Variants in GTF3C1 observed in about 807,000 individuals in gnomAD.
The protein encoded by GTF3C1 is general transcription factor IIIC subunit 1.
A neutral mutation model predicts 226.7 loss-of-function variants in GTF3C1; 57 were observed. The observed-to-expected ratio is 0.25, with a 90% CI of 0.20 to 0.31. The LOEUF (loss-of-function observed/expected upper bound fraction) is 0.31. GTF3C1 is among the 10% of genes least tolerant of loss of function. GTF3C1 has a pLI of 1.00. For missense variants in GTF3C1, 2,217 were observed against 2,776.1 expected (o/e 0.80, Z 4.53); for synonymous variants, 1,090 against 1,084.8 (o/e 1.00, Z -0.09).
In GTF3C1 at chr16:27,488,373, G is replaced by C; in HGVS notation, c.3554C>G (p.Ser1185Cys). 1.2e-6 allele frequency: 2 copies of C among 1,613,744 alleles called. No individual in the cohort carries two copies. Among genetic ancestry groups the C allele is most frequent in the Non-Finnish European group, 1.7e-6 (2 of 1,179,666 alleles). The change falls in exon 23 of 37, where the codon TCC (serine) becomes TGC (cysteine). Residue 1185 changes from serine to cysteine, a missense_variant. Ser to Cys is a moderately radical substitution (Grantham distance 112, BLOSUM62 -1). Transcript: ENST00000356183. ...LNIWGEARVG[S>C]ELCAGWEEQF... ...CTCTTCCCAGCCAGCACAGAGCTCG[G>C]AGCCTACTCTTGCTTCCCCCCAAAT...
intron 6 of GTF3C1, among the ~76,000 whole-genome samples, chr16:27,516,783 C>G (rs1201438473): frequency 6.6e-6 from 1 of 152,200 alleles, no homozygotes; most frequent in Non-Finnish European, 1.5e-5. Flanking sequence ...CAGACATACA[C>G]CACCATGCTC....
chr16:27,478,554 T>C (rs757403676), intron 27 of GTF3C1, 23 bp from the exon 28 acceptor site: 3 of 1,575,886 alleles, frequency 1.9e-6, no homozygotes, highest in Admixed American at 3.3e-5. Context: ...CATAACAGCA[T>C]GTCAGTGAAA....
At chr16:27,476,619 A>G (rs1279299155) in intron 28 of GTF3C1, 75 bp from the exon 29 acceptor site, 10 of 819,436 alleles carry the variant, frequency 1.2e-5, no homozygotes, top group South Asian at 5.8e-5. Flanking sequence ...ATTCTTAGGG[A>G]AAAAAACTTG....
At chr16:27,503,923 G>A (rs1435846343) in intron 10 of GTF3C1, among the ~76,000 whole-genome samples, 6 of 152,172 alleles carry the variant, frequency 3.9e-5, no homozygotes, top group Non-Finnish European at 2.9e-5. Context: ...CCAGGCCCCA[G>A]CCCACTTCCC....
rs1480242611 is a variant in GTF3C1, at chr16:27,463,756, G to A, written c.5873-164C>T. On this transcript the variant is annotated intron_variant, in intron 34 of 36. Coordinates refer to ENST00000356183, the MANE Select transcript of GTF3C1 (RefSeq NM_001520.4). The surrounding 1 kb of genome is among the most constrained non-coding windows in gnomAD (Gnocchi z 4.9). ...GAGCATCTCACAGAGCGGCCACCCT[G>A]GAGGTGGCAGGGCCGGGCAGACTGC... 4.5e-6 allele frequency: 3 copies of A among 662,148 alleles called. No individual in the cohort carries two copies. Among genetic ancestry groups the A allele is most frequent in the African/African-American group, 3.7e-5 (2 of 54,504 alleles). 41.0% of individuals were successfully genotyped at this position (662,148 alleles called of 1,614,324 possible).
chr16:27,492,977 C>T lies in GTF3C1; in HGVS notation c.2876+222G>A, dbSNP rs1437723661. On this transcript the variant is annotated intron_variant, in intron 17 of 36. Coordinates refer to ENST00000356183, the MANE Select transcript of GTF3C1 (RefSeq NM_001520.4). The surrounding 1 kb of genome is among the most constrained non-coding windows in gnomAD (Gnocchi z 5.0). Reference sequence around the variant, plus strand: ...AAGGGAAAAAAAATTCCGATACTTGCAGACACTAGCAGCAGATTTTACTTT... The same window carrying T: ...AAGGGAAAAAAAATTCCGATACTTGTAGACACTAGCAGCAGATTTTACTTT... Among the ~76,000 whole-genome samples the T allele has an allele frequency of 6.6e-6, 1 of 152,176 alleles. No homozygotes were observed.
intron 6 of GTF3C1, among the ~76,000 whole-genome samples, chr16:27,527,292 C>G (rs2088847261): frequency 6.6e-6 from 1 of 152,228 alleles, no homozygotes; most frequent in South Asian, 2.1e-4. Flanking sequence ...AGCGATTCTC[C>G]TGCCTCAGCC....
At chr16:27,519,514 A>G (rs2088712992) in intron 6 of GTF3C1, among the ~76,000 whole-genome samples, 1 of 151,926 alleles carries the variant, frequency 6.6e-6, no homozygotes, top group Non-Finnish European at 1.5e-5. Context: ...GGCCCCAAGC[A>G]CTCACCTACC....
chr16:27,549,799 C>G lies in GTF3C1; in HGVS notation c.92G>C (p.Arg31Pro). 1 of 1,612,978 alleles carries G rather than the reference C, an allele frequency of 6.2e-7. No homozygotes were observed. The highest frequency in any genetic ancestry group is 2.2e-5 in the East Asian group (1 of 44,874). Residue 31 changes from arginine (R) to proline (P), a missense_variant, in exon 1 of 37, where the codon CGA (arginine) becomes CCA (proline). Arg to Pro is a moderately radical substitution (Grantham distance 103). Transcript: ENST00000356183. ...CAAAGGCAGCGGGAAGGGCGGCACTCGCGTCTCCAGCCGGCTCCACAGCGC... is the reference window on the plus strand; with the variant it reads ...CAAAGGCAGCGGGAAGGGCGGCACTGGCGTCTCCAGCCGGCTCCACAGCGC... The part of the protein sequence containing the change: ...LPALWSRLET[R>P]VPPFPLPLEP...
chr16:27,471,728 G>A lies in GTF3C1; in HGVS notation c.4526+20C>T. 2 of 1,597,830 alleles carry A rather than the reference G, an allele frequency of 1.3e-6. No individual in the cohort carries two copies. The highest frequency in any genetic ancestry group is 1.7e-6 in the Non-Finnish European group (2 of 1,165,444). ...CGTGGCTCCACCTCGGAGTACCCAA[G>A]GCTCCTGACAGGTACTCACCTGTAG... On this transcript the variant is annotated intron_variant, in intron 30 of 36. Coordinates refer to ENST00000356183, the MANE Select transcript of GTF3C1 (RefSeq NM_001520.4). The surrounding 1 kb of genome is among the most constrained non-coding windows in gnomAD (Gnocchi z 5.0).
At chr16:27,508,507 C>A in intron 8 of GTF3C1, 33 bp downstream of exon 8, 1 of 1,476,894 alleles carries the variant, frequency 6.8e-7, no homozygotes, top group Non-Finnish European at 9.5e-7. Context: ...CCTCCAAAGA[C>A]AACGAGTGTT....
chr16:27,476,366 G>C (rs898734722), intron 29 of GTF3C1, 85 bp downstream of exon 29: 2 of 807,684 alleles, frequency 2.5e-6, no homozygotes, highest in East Asian at 2.5e-5. Flanking sequence ...AGCCCACAGC[G>C]GAGAAGGGCA....
rs555333749 is a variant in GTF3C1, at chr16:27,513,369, G to T, written c.974-1468C>A. Among the ~76,000 whole-genome samples, 33 of 152,324 alleles carry T rather than the reference G, an allele frequency of 2.2e-4. 1 individual carries two copies. The highest frequency in any genetic ancestry group is 7.2e-4 in the Admixed American group (11 of 15,300). On this transcript the variant is annotated intron_variant, in intron 6 of 36. Transcript: ENST00000356183. ...CTCAGGAGGCTGAAGTGAGAGGATT[G>T]CTTGAGCCTGGGAGGTCGAGGTTGC...
intron 19 of GTF3C1, among the ~76,000 whole-genome samples, chr16:27,490,443 C>T (rs1202483024): frequency 3.3e-5 from 5 of 152,108 alleles, no homozygotes; most frequent in African/African-American, 7.2e-5. Flanking sequence ...CGGTGGGGCC[C>T]GGGGCAGTGG....
intron 32 of GTF3C1, among the ~76,000 whole-genome samples, chr16:27,468,789 A>T (rs1434107896): frequency 6.6e-6 from 1 of 152,252 alleles, no homozygotes; most frequent in Non-Finnish European, 1.5e-5. Context: ...CATCAACAGA[A>T]CTAAAATAGT....
At chr16:27,476,422 C>T (rs1567387889) in intron 29 of GTF3C1, 29 bp downstream of exon 29, 15 of 1,425,784 alleles carry the variant, frequency 1.1e-5, no homozygotes, top group Admixed American at 6.7e-5. Flanking sequence ...CCCACATCCC[C>T]GCTGTGCTGC....
At chr16:27,545,626 G>A in intron 1 of GTF3C1, 103 bp from the exon 2 acceptor site, 1 of 699,092 alleles carries the variant, frequency 1.4e-6, no homozygotes, top group South Asian at 1.6e-5. Context: ...AGAGAGAAGT[G>A]AGATCAGTCA....
chr16:27,489,869 G>C (rs1164304012), intron 19 of GTF3C1, 126 bp from the exon 20 acceptor site: 11 of 842,652 alleles, frequency 1.3e-5, no homozygotes, highest in Admixed American at 2.4e-5. Flanking sequence ...CGGCCACTGC[G>C]GGGGTCTGAG....
At chr16:27,464,911 G>A (rs912786760) in intron 33 of GTF3C1, 75 bp from the exon 34 acceptor site, 98 of 1,262,390 alleles carry the variant, frequency 7.8e-5, no homozygotes, top group Non-Finnish European at 2.1e-5. Flanking sequence ...GACGAGTGGA[G>A]TGGCCTCCCC....
Sources: gnomAD v4.1 joint callset for allele counts (sites outside exome capture counted in the v4.1 genomes callset) on GRCh38, gnomAD v4.1.1 for gene constraint, Gnocchi (gnomAD v3.1) non-coding constraint, MANE v1.5 for transcripts, NCBI Gene and HGNC (gene_info 2026-07-23, HGNC 2026-07-21) for gene names.